The following CPED1 variants were observed in gnomAD, a reference collection of about 807,000 sequenced individuals.
CPED1 encodes cadherin-like and PC-esterase domain-containing protein 1.
In CPED1, 114 loss-of-function variants were observed where a neutral mutation model predicts 128.2. The observed-to-expected ratio is 0.89, with a 90% CI of 0.76 to 1.04. The LOEUF (loss-of-function observed/expected upper bound fraction) is 1.04, where lower values mean the gene tolerates loss of function less well. CPED1 is among the 50% of genes least tolerant of loss of function. CPED1 has a pLI of 0.00. For synonymous variants in CPED1, 462 were observed against 426.7 expected, an observed-to-expected ratio of 1.08 and a Z score of -1.02; for missense variants, 1,211 against 1,207.1, an observed-to-expected ratio of 1.00 and a Z score of -0.05.
intron 16 of CPED1, among the ~76,000 whole-genome samples, chr7:121,203,138 T>C (rs1797438722): frequency 6.6e-6 from 1 of 152,108 alleles, no homozygotes; most frequent in Non-Finnish European, 1.5e-5. Context: ...CTTTCATCCC[T>C]ATGCCCTAAG....
At chr7:121,210,433 A>T (rs1797616697) in intron 16 of CPED1, among the ~76,000 whole-genome samples, 1 of 152,070 alleles carries the variant, frequency 6.6e-6, no homozygotes, top group Non-Finnish European at 1.5e-5. Flanking sequence ...AGATAAATGG[A>T]TAAAGTATAA....
intron 22 of CPED1, among the ~76,000 whole-genome samples, chr7:121,290,330 G>C (rs1377935609): frequency 1.3e-5 from 2 of 152,200 alleles, no homozygotes; most frequent in Non-Finnish European, 2.9e-5. Flanking sequence ...CCAGTAATGG[G>C]ATTGCTAGGT....
intron 5 of CPED1, among the ~76,000 whole-genome samples, chr7:121,064,534 T>C (rs1793776617): frequency 6.6e-6 from 1 of 152,228 alleles, no homozygotes; most frequent in Non-Finnish European, 1.5e-5. Context: ...TTTTGCCTTC[T>C]GATTTGCCAG....
intron 3 of CPED1, among the ~76,000 whole-genome samples, chr7:121,023,774 A>C (rs1227529524): frequency 6.6e-6 from 1 of 151,942 alleles, no homozygotes; most frequent in South Asian, 2.1e-4. Flanking sequence ...TTCTCTTCTC[A>C]TTTCTTTCCC....
At chr7:121,093,397 T>TGTACACACACACACACAC (rs1554433497) in intron 5 of CPED1, among the ~76,000 whole-genome samples, 1 of 145,470 alleles carries the variant, frequency 6.9e-6, no homozygotes, top group African/African-American at 2.6e-5. Flanking sequence ...CCTTTTTCTG[T>TGTACACACACACACACAC]ACACACACAC....
Position 120,989,372 on chromosome 7 carries a change from T to C in CPED1, c.-231-19T>C. ...ATTCGTTACAACTATTATTATTTGA[T>C]GTCTTTTTTTAAACTCAGGTCATCC... On this transcript the variant is annotated intron_variant, in intron 1 of 22. Coordinates refer to ENST00000310396, the MANE Select transcript of CPED1 (RefSeq NM_024913.5). 2.1e-6 allele frequency: 1 copy of C among 486,716 alleles called. No individual in the cohort carries two copies. Among genetic ancestry groups the C allele is most frequent in the Non-Finnish European group, 3.7e-6 (1 of 268,944 alleles). 30.1% of individuals were successfully genotyped at this position (486,716 alleles called of 1,614,324 possible).
chr7:121,249,546 T>G lies in CPED1; in HGVS notation c.2310+5208T>G, dbSNP rs374564552. ...TCTAGCATCTTTAAAGAAAAGAAAT[T>G]CCAACCAATAATTTTATATCCCACT... On this transcript the variant is annotated intron_variant, in intron 18 of 22. Coordinates refer to ENST00000310396, the MANE Select transcript of CPED1 (RefSeq NM_024913.5). Among the ~76,000 whole-genome samples the G allele has an allele frequency of 2.1e-4, 32 of 152,246 alleles. No individual in the cohort carries two copies. The East Asian group carries it at 5.0e-3, about 24-fold the overall frequency.
intron 22 of CPED1, among the ~76,000 whole-genome samples, chr7:121,288,279 T>A (rs1021833650): frequency 4.6e-5 from 7 of 152,240 alleles, no homozygotes; most frequent in African/African-American, 1.4e-4. Context: ...TCATCTTTGA[T>A]TATTTTCTAC....
At chr7:121,118,626 C>G (rs576689016) in intron 7 of CPED1, among the ~76,000 whole-genome samples, 1 of 151,084 alleles carries the variant, frequency 6.6e-6, no homozygotes, top group Non-Finnish European at 1.5e-5. Flanking sequence ...TGCATTAGGT[C>G]ATTCTTGTGT....
intron 4 of CPED1, among the ~76,000 whole-genome samples, chr7:121,053,765 AGTTT>A (rs1256575866): frequency 6.6e-6 from 1 of 152,196 alleles, no homozygotes; most frequent in Non-Finnish European, 1.5e-5. Context: ...AGGAAAAGCT[AGTTT>A]TTCTCCCGAA....
At chr7:121,001,467 G>A (rs902426931) in intron 2 of CPED1, among the ~76,000 whole-genome samples, 3 of 152,122 alleles carry the variant, frequency 2.0e-5, no homozygotes, top group Admixed American at 2.0e-4. Context: ...AATCTAGGAA[G>A]AGTCAGGTGG....
At position 121,296,210 on chromosome 7, in the gene CPED1, A is replaced by G. The variant is rs371033589; in HGVS notation, c.*558A>G. ...TTTTTAAATTTTATTACTGAAAGGA[A>G]AAGAACAGGAATGTTCCACAAGGGA... On this transcript the variant is annotated 3_prime_UTR_variant, in exon 23 of 23. Transcript: ENST00000310396. 1.3e-5 allele frequency: 2 copies of G among 152,548 alleles called. No individual in the cohort carries two copies. The highest frequency in any genetic ancestry group is 4.8e-5 in the African/African-American group (2 of 41,464). 9.4% of individuals were successfully genotyped at this position (152,548 alleles called of 1,614,324 possible). A position where few individuals can be genotyped will look rare whatever the true frequency, so the allele number is the denominator to read the frequency against.
At chr7:121,129,257 T>C (rs1326847007) in intron 11 of CPED1, among the ~76,000 whole-genome samples, 1 of 145,838 alleles carries the variant, frequency 6.9e-6, no homozygotes, top group Non-Finnish European at 1.5e-5. Context: ...TTATCTTACT[T>C]GTAAAAAGTA....
chr7:121,154,162 G>A (rs1295962014), intron 16 of CPED1, among the ~76,000 whole-genome samples: 1 of 152,220 alleles, frequency 6.6e-6, no homozygotes, highest in East Asian at 1.9e-4. Context: ...GAGCTCAAGT[G>A]TTGCAAGTAT....
At chr7:121,064,160 G>A in intron 4 of CPED1, 78 bp from the exon 5 acceptor site, 1 of 934,572 alleles carries the variant, frequency 1.1e-6, no homozygotes, top group South Asian at 1.3e-5. Context: ...TATACTCTCT[G>A]GGTTTTTTGT....
intron 11 of CPED1, 85 bp from the exon 12 acceptor site, chr7:121,130,040 T>A: frequency 9.1e-7 from 1 of 1,093,118 alleles, no homozygotes; most frequent in Admixed American, 2.5e-5. Context: ...ACTTTTTAAA[T>A]AAATGACTAA....
At chr7:121,004,543 G>A (rs1791956111) in intron 2 of CPED1, among the ~76,000 whole-genome samples, 1 of 152,158 alleles carries the variant, frequency 6.6e-6, no homozygotes, top group Admixed American at 6.5e-5. Flanking sequence ...CTGTGTGTGT[G>A]TGTGCAGAAG....
intron 3 of CPED1, among the ~76,000 whole-genome samples, chr7:121,027,005 A>ATT (rs111761805): frequency 3.0e-5 from 4 of 135,496 alleles, no homozygotes; most frequent in African/African-American, 5.4e-5. Flanking sequence ...AATTTTTCTT[A>ATT]TTTTTTTTTT....
At position 121,102,803 on chromosome 7, in the gene CPED1, C is replaced by G. The variant is rs536520801; in HGVS notation, c.918+2709C>G. 2.6e-4 allele frequency among the ~76,000 whole-genome samples: 39 copies of G among 152,200 alleles called. No homozygotes were observed. The South Asian group carries it at 7.9e-3, about 31-fold the overall frequency. Reference sequence around the variant, plus strand: ...TCTCAAATAGCCTCCAACAACTCCCCTCCCCCAACTCCACTTATCCCTGAC... The same window carrying G: ...TCTCAAATAGCCTCCAACAACTCCCGTCCCCCAACTCCACTTATCCCTGAC... On this transcript the variant is annotated intron_variant, in intron 7 of 22. Transcript: ENST00000310396.
Sources: gnomAD v4.1 joint callset for allele counts (sites outside exome capture counted in the v4.1 genomes callset) on GRCh38, gnomAD v4.1.1 for gene constraint, MANE v1.5 for transcripts, NCBI Gene and HGNC (gene_info 2026-07-23, HGNC 2026-07-21) for gene names.